The following CDH9 variants were observed in gnomAD, a reference collection of about 807,000 sequenced individuals.
The protein encoded by CDH9 is cadherin-9.
In CDH9, 28 loss-of-function variants were observed where a neutral mutation model predicts 70.9. The ratio of observed to expected loss-of-function variants is 0.40; its 90% CI spans 0.29 to 0.54. The LOEUF (loss-of-function observed/expected upper bound fraction) is 0.54. Ranked by LOEUF, CDH9 falls within the 20% of genes least tolerant of loss-of-function variation. CDH9 has a pLI of 0.59. For missense variants in CDH9, 874 were observed against 984.4 expected (o/e 0.89, Z 1.50); for synonymous variants, 409 against 343.1 (o/e 1.19, Z -2.12).
chr5:26,929,577 T>A (rs1054024606), intron 2 of CDH9, among the ~76,000 whole-genome samples: 2 of 152,042 alleles, frequency 1.3e-5, no homozygotes, highest in Admixed American at 1.3e-4. Flanking sequence ...ATAGCCAAGA[T>A]TTAGAAGCAA....
intron 1 of CDH9, among the ~76,000 whole-genome samples, chr5:27,027,744 C>T (rs560380306): frequency 2.0e-5 from 3 of 151,962 alleles, no homozygotes; most frequent in Non-Finnish European, 2.9e-5. Flanking sequence ...GTAAAGATAA[C>T]CTACTAGCAA....
chr5:26,909,583 T>C (rs910643545), intron 3 of CDH9, among the ~76,000 whole-genome samples: 27 of 151,316 alleles, frequency 1.8e-4, no homozygotes, highest in Admixed American at 5.3e-4. Context: ...ATGTGCACAT[T>C]GTGCAGGTTA....
At position 27,012,304 on chromosome 5, in the gene CDH9, C is replaced by A. The variant is rs60930705; in HGVS notation, c.-49-23922G>T. Among the ~76,000 whole-genome samples the A allele has an allele frequency of 7.0e-3, 1,067 of 151,862 alleles. 11 individuals are homozygous for A. The highest frequency in any genetic ancestry group is 0.024 in the African/African-American group (1,014 of 41,468). Reference sequence around the variant, plus strand: ...TATTATTATTATTTTTTAATATTTTCAATCTACCATTGGCTGAATCTGTAG... The same window carrying A: ...TATTATTATTATTTTTTAATATTTTAAATCTACCATTGGCTGAATCTGTAG... On this transcript the variant is annotated intron_variant, in intron 1 of 11. Coordinates refer to ENST00000231021, the MANE Select transcript of CDH9 (RefSeq NM_016279.4).
intron 9 of CDH9, among the ~76,000 whole-genome samples, chr5:26,888,361 AC>A (rs1374141409): frequency 6.6e-6 from 1 of 152,148 alleles, no homozygotes; most frequent in Non-Finnish European, 1.5e-5. Context: ...AAAATGTACT[AC>A]AGTGTTCATT....
At chr5:26,966,496 G>A (rs1742131867) in intron 2 of CDH9, among the ~76,000 whole-genome samples, 1 of 151,960 alleles carries the variant, frequency 6.6e-6, no homozygotes, top group African/African-American at 2.4e-5. Flanking sequence ...TACTTTATTG[G>A]CATGGTTGTA....
intron 1 of CDH9, among the ~76,000 whole-genome samples, chr5:27,001,197 CTG>C (rs1244448549): frequency 1.3e-5 from 2 of 152,084 alleles, no homozygotes; most frequent in Non-Finnish European, 2.9e-5. Context: ...GATAATCTAA[CTG>C]TATTATAAAT....
At chr5:26,961,982 C>A (rs184335363) in intron 2 of CDH9, among the ~76,000 whole-genome samples, 30 of 152,228 alleles carry the variant, frequency 2.0e-4, no homozygotes, top group African/African-American at 7.0e-4. Context: ...CCCTCGCCCC[C>A]AACTCCCCAA....
rs34847605 is a variant in CDH9 at position 26,970,757 on chromosome 5, T to TA, written c.228+17348dup. The stretch of plus-strand genomic sequence containing the variant: ...ATAGGCTAGACCTCATTTATTTTCT[T>TA]AAAAAAAAAAATCTCATTTTGCAAA... On this transcript the variant is annotated intron_variant, in intron 2 of 11. Transcript: ENST00000231021. Among the ~76,000 whole-genome samples, 1,239 of 149,058 alleles carry TA rather than the reference T, an allele frequency of 8.3e-3. 12 individuals are homozygous for TA. Among genetic ancestry groups the TA allele is most frequent in the Non-Finnish European group, 0.011 (722 of 66,846 alleles).
At chr5:27,032,560 G>A (rs1302151511) in intron 1 of CDH9, among the ~76,000 whole-genome samples, 1 of 151,592 alleles carries the variant, frequency 6.6e-6, no homozygotes, top group Non-Finnish European at 1.5e-5. Flanking sequence ...TCCAACAGTT[G>A]AACCTATTCC....
At chr5:26,985,600 T>G (rs1240962577) in intron 2 of CDH9, among the ~76,000 whole-genome samples, 2 of 152,080 alleles carry the variant, frequency 1.3e-5, no homozygotes, top group East Asian at 1.9e-4. Flanking sequence ...CACCTGTAAA[T>G]TAATATGTTG....
intron 8 of CDH9, 121 bp from the exon 9 acceptor site, chr5:26,890,078 T>A: frequency 1.2e-6 from 1 of 841,622 alleles, no homozygotes; most frequent in Non-Finnish European, 1.9e-6. Flanking sequence ...ATTGGGCTGC[T>A]GATGAATATC....
intron 2 of CDH9, among the ~76,000 whole-genome samples, chr5:26,961,450 T>C (rs1742033652): frequency 6.6e-6 from 1 of 152,084 alleles, no homozygotes; most frequent in African/African-American, 2.4e-5. Flanking sequence ...ATAGCTTCAA[T>C]TGTAAATGGA....
Position 27,002,754 on chromosome 5 carries a change from A to G in CDH9, c.-49-14372T>C, listed in dbSNP as rs564893767. On this transcript the variant is annotated intron_variant, in intron 1 of 11. Transcript: ENST00000231021. The stretch of plus-strand genomic sequence containing the variant: ...TTGGACACAGGAAGGTGAACATCAC[A>G]TACCAGGGCCTGTCGTGGGGTTGGG... Among the ~76,000 whole-genome samples the G allele has an allele frequency of 2.6e-5, 4 of 151,956 alleles. No individual in the cohort carries two copies. The South Asian group carries it at 8.3e-4, about 32-fold the overall frequency.
chr5:26,904,761 G>C (rs542437454), intron 5 of CDH9, among the ~76,000 whole-genome samples: 3 of 152,140 alleles, frequency 2.0e-5, no homozygotes, highest in South Asian at 2.1e-4. Flanking sequence ...GCTAAACTTT[G>C]ATGTCTGCGT....
chr5:26,985,777 G>C (rs533151824), intron 2 of CDH9, among the ~76,000 whole-genome samples: 1 of 152,190 alleles, frequency 6.6e-6, no homozygotes, highest in East Asian at 1.9e-4. Flanking sequence ...ACTAGGTTGA[G>C]GTCTACCCAG....
At chr5:27,007,072 T>C (rs1025978397) in intron 1 of CDH9, among the ~76,000 whole-genome samples, 1 of 152,160 alleles carries the variant, frequency 6.6e-6, no homozygotes, top group African/African-American at 2.4e-5. Flanking sequence ...AAGCTATAAA[T>C]GAATTTTCAG....
chr5:26,885,128 A>G (rs1482943807), intron 11 of CDH9, among the ~76,000 whole-genome samples: 2 of 152,188 alleles, frequency 1.3e-5, no homozygotes, highest in Non-Finnish European at 2.9e-5. Flanking sequence ...AACAGTTAGT[A>G]ACTATAAGGG....
In CDH9 at chr5:26,959,540, G is replaced by A. The variant is rs573024268; in HGVS notation, c.228+28566C>T. On this transcript the variant is annotated intron_variant, in intron 2 of 11. Transcript: ENST00000231021. ...AATAATTGAAAATATGTTTTCACACGAATACTTGTATGTAAATGTTCAAAG... is the reference window on the plus strand; with the variant it reads ...AATAATTGAAAATATGTTTTCACACAAATACTTGTATGTAAATGTTCAAAG... Among the ~76,000 whole-genome samples the A allele has an allele frequency of 4.0e-4, 61 of 152,126 alleles. No individual in the cohort carries two copies. The South Asian group carries it at 0.012, about 29-fold the overall frequency.
intron 3 of CDH9, among the ~76,000 whole-genome samples, chr5:26,910,662 T>C (rs549681195): frequency 6.6e-6 from 1 of 152,314 alleles, no homozygotes; most frequent in South Asian, 2.1e-4. Flanking sequence ...ATGGGCTTTT[T>C]CCTGCCCTGT....
Sources: allele counts gnomAD v4.1 joint callset (sites outside exome capture counted in the v4.1 genomes callset), GRCh38; gene constraint gnomAD v4.1.1; transcripts MANE v1.5; gene names NCBI Gene and HGNC (gene_info 2026-07-23, HGNC 2026-07-21).